ZNF532: variants seen among roughly 807,000 people sequenced by gnomAD.
ZNF532 encodes the protein zinc finger protein 532.
A neutral mutation model predicts 89.3 loss-of-function variants in ZNF532; 22 were observed. That is an observed-to-expected ratio of 0.25 (90% CI 0.18 to 0.35). The LOEUF is 0.35. Among genes scored for constraint, ZNF532 ranks in the 10% least tolerant of loss-of-function variants. The pLI is 1.00. For missense variants in ZNF532, 1,132 were observed against 1,643.4 expected, an observed-to-expected ratio of 0.69 and a Z score of 5.38; for synonymous variants, 606 against 649.6, an observed-to-expected ratio of 0.93 and a Z score of 1.02.
At chr18:58,916,323 A>C (rs1341259526) in intron 2 of ZNF532, among the ~76,000 whole-genome samples, 1 of 152,220 alleles carries the variant, frequency 6.6e-6, no homozygotes, top group Non-Finnish European at 1.5e-5. Flanking sequence ...TTTGCAGTTT[A>C]AATGTTCAAT....
chr18:58,906,921 A>G (rs2059967754), intron 2 of ZNF532, among the ~76,000 whole-genome samples: 2 of 152,236 alleles, frequency 1.3e-5, no homozygotes, highest in South Asian at 2.1e-4. Flanking sequence ...TTTATGAACC[A>G]TAGTGAAATA....
chr18:58,926,606 C>T (rs1016364976), intron 3 of ZNF532, among the ~76,000 whole-genome samples: 1 of 152,216 alleles, frequency 6.6e-6, no homozygotes, highest in Non-Finnish European at 1.5e-5. Context: ...CCTCAGCCTC[C>T]CAAAGTGCTG....
At chr18:58,967,899 A>G (rs949770024) in intron 7 of ZNF532, among the ~76,000 whole-genome samples, 41 of 152,186 alleles carry the variant, frequency 2.7e-4, no homozygotes, top group African/African-American at 9.7e-4. Flanking sequence ...CTCATTAAAC[A>G]TGTGTTAGAA....
rs1386660622 is a variant in ZNF532 at position 58,985,082 on chromosome 18, T to G, written c.*616T>G. The G allele has an allele frequency of 6.6e-6, 1 of 152,184 alleles. No individual in the cohort carries two copies. Among genetic ancestry groups the G allele is most frequent in the Non-Finnish European group, 1.5e-5 (1 of 68,086 alleles). 9.4% of individuals were successfully genotyped at this position (152,184 alleles called of 1,614,324 possible). A position where few individuals can be genotyped will look rare whatever the true frequency, so the allele number is the denominator to read the frequency against. ...CCATGCCGAAGGGTGTTTAAAGCAG[T>G]CTTGCAGGTCGCTCCTTTCCCAGCC... On this transcript the variant is annotated 3_prime_UTR_variant, in exon 10 of 10. Transcript: ENST00000591808.
At chr18:58,885,683 C>T (rs1037097799) in intron 2 of ZNF532, among the ~76,000 whole-genome samples, 16 of 152,064 alleles carry the variant, frequency 1.1e-4, no homozygotes, top group African/African-American at 3.1e-4. Context: ...GGTGAAACTC[C>T]GTTTCTACAA....
intron 2 of ZNF532, among the ~76,000 whole-genome samples, chr18:58,880,747 C>T (rs1415843477): frequency 2.1e-5 from 2 of 95,792 alleles, no homozygotes; most frequent in African/African-American, 6.6e-5. Context: ...TGAGCCCTCT[C>T]ATAGGCGCGC....
At position 58,979,501 on chromosome 18, in the gene ZNF532, C is replaced by T. The variant is rs141823220; in HGVS notation, c.3263+334C>T. On this transcript the variant is annotated intron_variant, in intron 8 of 9. Coordinates refer to ENST00000591808, the MANE Select transcript of ZNF532 (RefSeq NM_001375912.1). ...CTCCCAGGTTCAAGTGATTCTCCTACCTCAACCTCCTGAGTAACTGGGATT... is the reference window on the plus strand; with the variant it reads ...CTCCCAGGTTCAAGTGATTCTCCTATCTCAACCTCCTGAGTAACTGGGATT... The T allele has an allele frequency of 4.8e-3, 777 of 160,534 alleles. 7 individuals carry two copies. Among genetic ancestry groups the T allele is most frequent in the African/African-American group, 0.017 (705 of 41,900 alleles). 9.9% of individuals were successfully genotyped at this position (160,534 alleles called of 1,614,324 possible). A position where few individuals can be genotyped will look rare whatever the true frequency, so the allele number is the denominator to read the frequency against.
chr18:58,961,389 A>T (rs940578234), intron 7 of ZNF532, among the ~76,000 whole-genome samples: 1 of 152,200 alleles, frequency 6.6e-6, no homozygotes, highest in South Asian at 2.1e-4. Context: ...CGGGGCAGTC[A>T]TCCCTTCCAC....
chr18:58,976,027 A>C (rs1234238645), intron 7 of ZNF532, among the ~76,000 whole-genome samples: 1 of 152,232 alleles, frequency 6.6e-6, no homozygotes, highest in African/African-American at 2.4e-5. Flanking sequence ...AGTAATATTG[A>C]GGAACAGAAG....
chr18:58,879,154 G>A (rs372073386), intron 2 of ZNF532, among the ~76,000 whole-genome samples: 19 of 151,994 alleles, frequency 1.3e-4, no homozygotes, highest in African/African-American at 4.1e-4. Flanking sequence ...CACGCCCGGC[G>A]GGGCCTGCTA....
At chr18:58,974,286 A>T (rs1017750486) in intron 7 of ZNF532, among the ~76,000 whole-genome samples, 24 of 152,194 alleles carry the variant, frequency 1.6e-4, no homozygotes, top group African/African-American at 4.8e-4. Flanking sequence ...TCATTCTTCT[A>T]ATACAGAACA....
chr18:58,957,558 G>A (rs1248022060), intron 7 of ZNF532, among the ~76,000 whole-genome samples: 1 of 151,768 alleles, frequency 6.6e-6, no homozygotes, highest in Non-Finnish European at 1.5e-5. Flanking sequence ...AATATTTCAG[G>A]TTAGGAGTAA....
chr18:58,943,493 T>G (rs139996736), intron 5 of ZNF532, among the ~76,000 whole-genome samples: 2 of 148,824 alleles, frequency 1.3e-5, no homozygotes, highest in African/African-American at 2.5e-5. Flanking sequence ...AGATGGAGTC[T>G]CGCTCTGTTG....
At chr18:58,935,788 C>G (rs2146516321) in intron 4 of ZNF532, among the ~76,000 whole-genome samples, 1 of 151,838 alleles carries the variant, frequency 6.6e-6, no homozygotes, top group African/African-American at 2.4e-5. Context: ...ATATGTTTAT[C>G]TTAACATTAA....
intron 7 of ZNF532, among the ~76,000 whole-genome samples, chr18:58,969,341 G>C (rs1177082473): frequency 6.6e-6 from 1 of 152,194 alleles, no homozygotes; most frequent in African/African-American, 2.4e-5. Context: ...TGGAAGGGTG[G>C]TTCAGGGAGG....
intron 2 of ZNF532, among the ~76,000 whole-genome samples, chr18:58,910,894 T>A (rs2060241407): frequency 1.3e-5 from 2 of 151,844 alleles, no homozygotes; most frequent in Admixed American, 1.3e-4. Context: ...TTTTTTTTTT[T>A]AAGAGACAGG....
intron 6 of ZNF532, among the ~76,000 whole-genome samples, chr18:58,952,745 C>T (rs1293667079): frequency 1.3e-5 from 2 of 152,122 alleles, no homozygotes; most frequent in Non-Finnish European, 2.9e-5. Flanking sequence ...CAATACAAAA[C>T]AAAAACCAAA....
chr18:58,935,310 CTCCTCCTCCCT>C (rs1202450680), intron 4 of ZNF532, among the ~76,000 whole-genome samples: 1 of 17,084 alleles, frequency 5.9e-5, no homozygotes, highest in Non-Finnish European at 1.3e-4. Flanking sequence ...CTCCCCCTTA[CTCCTCCTCCCT>C]TCCTCCTCCC....
chr18:58,964,874 C>G (rs1406413375), intron 7 of ZNF532, among the ~76,000 whole-genome samples: 1 of 151,330 alleles, frequency 6.6e-6, no homozygotes, highest in Non-Finnish European at 1.5e-5. Flanking sequence ...CCCAAAGTGC[C>G]AGGATTACAG....
Sources: allele counts gnomAD v4.1 joint callset (sites outside exome capture counted in the v4.1 genomes callset), GRCh38; gene constraint gnomAD v4.1.1; transcripts MANE v1.5; gene names NCBI Gene and HGNC (gene_info 2026-07-23, HGNC 2026-07-21).